GSDMC: variants seen among roughly 807,000 people sequenced by gnomAD.
GSDMC encodes the protein gasdermin C.
A neutral mutation model predicts 58.0 loss-of-function variants in GSDMC; 59 were observed. The observed-to-expected ratio is 1.02, with a 90% CI of 0.82 to 1.26. The LOEUF (loss-of-function observed/expected upper bound fraction) is 1.26. GSDMC is among the 50% of genes most tolerant of loss of function. GSDMC has a pLI of 0.00. For synonymous variants in GSDMC, 241 were observed against 220.2 expected (o/e 1.09, Z -0.83); for missense variants, 659 against 598.5 (o/e 1.10, Z -1.06).
At chr8:129,713,724 C>T in the GSDMC span, among the ~76,000 whole-genome samples, 118 of 152,220 alleles carry the variant, frequency 7.8e-4, no homozygotes, top group Non-Finnish European at 1.1e-3. Context: ...GACCAAACAG[C>T]CTGCCCCCAC....
chr8:129,710,922 A>G, the GSDMC span, among the ~76,000 whole-genome samples: 1 of 152,206 alleles, frequency 6.6e-6, no homozygotes, highest in Non-Finnish European at 1.5e-5. Flanking sequence ...ATCTGCAGGC[A>G]GAGGGAAAAT....
At chr8:129,759,989 A>C (rs1200819621) in intron 6 of GSDMC, among the ~76,000 whole-genome samples, 1 of 152,218 alleles carries the variant, frequency 6.6e-6, no homozygotes, top group Non-Finnish European at 1.5e-5. Flanking sequence ...ATGTATAAAG[A>C]AAATATCAAA....
At chr8:129,762,517 C>A in intron 5 of GSDMC, 109 bp downstream of exon 5, 1 of 746,368 alleles carries the variant, frequency 1.3e-6, no homozygotes, top group East Asian at 2.4e-5. Context: ...CTTGGATAGG[C>A]AGAGCATCAA....
the GSDMC span, among the ~76,000 whole-genome samples, chr8:129,734,203 T>G: frequency 6.6e-6 from 1 of 152,108 alleles, no homozygotes; most frequent in Non-Finnish European, 1.5e-5. Flanking sequence ...ATTTGATTGG[T>G]GTACCTGAAA....
the GSDMC span, among the ~76,000 whole-genome samples, chr8:129,717,776 C>A: frequency 6.6e-6 from 1 of 152,146 alleles, no homozygotes; most frequent in African/African-American, 2.4e-5. Flanking sequence ...AACTACACTA[C>A]AAGGCTACAG....
intron 1 of GSDMC, among the ~76,000 whole-genome samples, chr8:129,779,826 T>C (rs1450051813): frequency 6.6e-6 from 1 of 152,002 alleles, no homozygotes; most frequent in East Asian, 1.9e-4. Context: ...TATGTAATCA[T>C]TCAAACAAAG....
the GSDMC span, among the ~76,000 whole-genome samples, chr8:129,728,105 G>A: frequency 6.6e-6 from 1 of 152,088 alleles, no homozygotes; most frequent in Non-Finnish European, 1.5e-5. Flanking sequence ...GGTGCAGCAA[G>A]GTCTTCACTG....
At chr8:129,772,666 G>A (rs1400310369) in intron 3 of GSDMC, among the ~76,000 whole-genome samples, 1 of 152,138 alleles carries the variant, frequency 6.6e-6, no homozygotes, top group African/African-American at 2.4e-5. Flanking sequence ...ATGACCAAAT[G>A]CTTTCACTGG....
At chr8:129,742,061 T>A in the GSDMC span, among the ~76,000 whole-genome samples, 65 of 151,692 alleles carry the variant, frequency 4.3e-4, 1 homozygote, top group Non-Finnish European at 4.1e-4. Flanking sequence ...TACTGCATAA[T>A]CTCACTTATA....
At chr8:129,738,912 T>G in the GSDMC span, among the ~76,000 whole-genome samples, 2 of 152,156 alleles carry the variant, frequency 1.3e-5, no homozygotes, top group African/African-American at 4.8e-5. Context: ...AAAAACTCAC[T>G]TAAGGCATTT....
chr8:129,711,637 A>G, the GSDMC span, among the ~76,000 whole-genome samples: 3 of 152,360 alleles, frequency 2.0e-5, no homozygotes, highest in East Asian at 1.9e-4. Flanking sequence ...GAGGGGGCAC[A>G]ATGAGATACA....
At chr8:129,765,541 T>C (rs529430159) in intron 4 of GSDMC, 87 bp downstream of exon 4, 7 of 923,370 alleles carry the variant, frequency 7.6e-6, no homozygotes, top group East Asian at 2.4e-5. Context: ...GGAAATAGAG[T>C]CCAGAGCCCC....
the GSDMC span, among the ~76,000 whole-genome samples, chr8:129,715,932 C>T: frequency 1.3e-5 from 2 of 151,984 alleles, no homozygotes; most frequent in Admixed American, 6.6e-5. Flanking sequence ...ATAGATAATG[C>T]CATTGTAAGT....
At chr8:129,747,270 A>T (rs992943087), downstream of GSDMC, among the ~76,000 whole-genome samples, 8 of 151,766 alleles carry the variant, frequency 5.3e-5, no homozygotes, top group Non-Finnish European at 1.0e-4. Flanking sequence ...AAAAAAAAAA[A>T]ATTTGATAAA....
the GSDMC span, among the ~76,000 whole-genome samples, chr8:129,734,177 A>G: frequency 6.6e-6 from 1 of 152,220 alleles, no homozygotes; most frequent in Non-Finnish European, 1.5e-5. Flanking sequence ...GGACTATGTG[A>G]AAAGACCAAA....
rs571560280 is a variant in GSDMC at position 129,778,809 on chromosome 8, C to T, written c.-4-1218G>A. The stretch of plus-strand genomic sequence containing the variant: ...GAAGTGGGCAAACGACATGAAGAGG[C>T]AGCTTTCAAAAGAAGACATACATGT... On this transcript the variant is annotated intron_variant, in intron 1 of 13. Coordinates refer to ENST00000276708, the MANE Select transcript of GSDMC (RefSeq NM_031415.3). Among the ~76,000 whole-genome samples, 10 of 148,814 alleles carry T rather than the reference C, an allele frequency of 6.7e-5. No individual in the cohort carries two copies. The South Asian group carries it at 1.9e-3, about 28-fold the overall frequency.
intron 6 of GSDMC, among the ~76,000 whole-genome samples, chr8:129,756,292 A>T (rs994674398): frequency 6.6e-6 from 1 of 152,080 alleles, no homozygotes; most frequent in African/African-American, 2.4e-5. Flanking sequence ...AAGGGGGTCG[A>T]TCTAACAACA....
chr8:129,729,234 C>G, the GSDMC span: 1 of 639,828 alleles, frequency 1.6e-6, no homozygotes, highest in Admixed American at 2.0e-5. Context: ...GAATATTTTC[C>G]AAGTGAAATA....
At chr8:129,727,321 A>G in the GSDMC span, among the ~76,000 whole-genome samples, 1 of 152,212 alleles carries the variant, frequency 6.6e-6, no homozygotes, top group East Asian at 1.9e-4. Context: ...GACAGTGCAT[A>G]AAGATCAACT....
Sources: gnomAD v4.1 joint callset for allele counts (sites outside exome capture counted in the v4.1 genomes callset) on GRCh38, gnomAD v4.1.1 for gene constraint, MANE v1.5 for transcripts, NCBI Gene and HGNC (gene_info 2026-07-23, HGNC 2026-07-21) for gene names.